The following LRCH2 variants were observed in gnomAD, a reference collection of about 807,000 sequenced individuals.
LRCH2 encodes the protein leucine rich repeats and calponin homology domain containing 2.
LRCH2 carries 38 observed loss-of-function variants against 68.9 expected under a neutral mutation model. The ratio of observed to expected loss-of-function variants is 0.55; its 90% CI spans 0.43 to 0.72. The LOEUF is 0.72. Ranked by LOEUF, LRCH2 falls within the 30% of genes least tolerant of loss-of-function variation. The pLI is 0.00. For synonymous variants in LRCH2, 191 were observed against 208.1 expected (o/e 0.92, Z 0.71); for missense variants, 528 against 572.9 (o/e 0.92, Z 0.80).
In LRCH2 at chrX:115,111,789, C is replaced by T. The variant is rs2072045478; in HGVS notation, c.*1427G>A. 1 of 89,998 alleles carries T rather than the reference C, an allele frequency of 1.1e-5. No homozygotes were observed. Among genetic ancestry groups the T allele is most frequent in the Non-Finnish European group, 2.2e-5 (1 of 46,235 alleles). The allele number at this position is 89,998 out of a possible 1,213,427, so 7.4% of individuals were successfully genotyped here. ...AGTTGTTCCTATACCATTTGGCACA[C>T]TAGTTTTTTACCTTTTATATATACC... is the stretch of plus-strand genomic sequence containing the variant. On this transcript the variant is annotated 3_prime_UTR_variant, in exon 21 of 21. Coordinates refer to ENST00000317135, the MANE Select transcript of LRCH2 (RefSeq NM_020871.4).
chrX:115,188,556 C>T (rs1204074655), intron 1 of LRCH2, among the ~76,000 whole-genome samples, 186 bp from the exon 2 acceptor site: 2 of 112,171 alleles, frequency 1.8e-5, no homozygotes, highest in African/African-American at 3.2e-5. Context: ...TACGGCTGGG[C>T]GCGGTGGCTC....
chrX:115,228,122 A>C (rs935581143), intron 1 of LRCH2, among the ~76,000 whole-genome samples: 2 of 112,315 alleles, frequency 1.8e-5, no homozygotes, highest in Non-Finnish European at 3.8e-5. Context: ...TTACAGTTTG[A>C]CCTTTAGCAG....
intron 12 of LRCH2, 24 bp downstream of exon 12, chrX:115,156,578 G>A: frequency 9.4e-7 from 1 of 1,059,766 alleles, no homozygotes; most frequent in Non-Finnish European, 1.3e-6. Context: ...AATATTAAAT[G>A]TAAAAACTAA....
intron 3 of LRCH2, among the ~76,000 whole-genome samples, chrX:115,181,898 G>C (rs1413068976): frequency 3.6e-5 from 4 of 110,385 alleles, no homozygotes; most frequent in African/African-American, 1.3e-4. Flanking sequence ...AAAATATTCA[G>C]GAAAAAAAAA....
intron 3 of LRCH2, among the ~76,000 whole-genome samples, chrX:115,181,949 T>C (rs1375192924): frequency 8.9e-6 from 1 of 111,758 alleles, no homozygotes; most frequent in African/African-American, 3.3e-5. Flanking sequence ...AACTTTTTTT[T>C]CTTGTCATTA....
chrX:115,193,634 CATT>C (rs1195334529), intron 1 of LRCH2, among the ~76,000 whole-genome samples: 1 of 111,766 alleles, frequency 8.9e-6, no homozygotes, highest in Non-Finnish European at 1.9e-5. Context: ...ATACTTAGGA[CATT>C]ATAGCAGTGG....
chrX:115,118,449 C>T (rs5988225), intron 20 of LRCH2, among the ~76,000 whole-genome samples: 9,685 of 106,857 alleles, frequency 0.091, 434 homozygotes, highest in African/African-American at 0.1. Context: ...ACACATACAC[C>T]CTCCCAAGAC....
At position 115,188,217 on chromosome X, in the gene LRCH2, T is replaced by C; in HGVS notation, c.494+9A>G. 1 of 1,093,386 alleles carries C rather than the reference T, an allele frequency of 9.1e-7. No homozygotes were observed. The highest frequency in any genetic ancestry group is 1.2e-6 in the Non-Finnish European group (1 of 833,852). 90.1% of individuals were successfully genotyped at this position (1,093,386 alleles called of 1,213,427 possible). The stretch of plus-strand genomic sequence containing the variant: ...AAAACCAAAATTTATTTTTAAATTG[T>C]TTCCTTACCTAATGTTAAGGTATGT... On this transcript the variant is annotated intron_variant, in intron 2 of 20. Coordinates refer to ENST00000317135, the MANE Select transcript of LRCH2 (RefSeq NM_020871.4).
intron 14 of LRCH2, among the ~76,000 whole-genome samples, chrX:115,140,715 G>T (rs1556533885): frequency 9.0e-6 from 1 of 111,541 alleles, no homozygotes. Flanking sequence ...AACCTCCCAT[G>T]GGCCAGTGGT....
intron 20 of LRCH2, among the ~76,000 whole-genome samples, chrX:115,118,868 G>A (rs1428417593): frequency 3.6e-5 from 4 of 110,446 alleles, no homozygotes; most frequent in South Asian, 3.8e-4. Context: ...TTCAATATAC[G>A]CAAATCAATA....
At chrX:115,220,879 G>A (rs1243834748) in intron 1 of LRCH2, among the ~76,000 whole-genome samples, 2 of 110,026 alleles carry the variant, frequency 1.8e-5, no homozygotes, top group Non-Finnish European at 3.8e-5. Context: ...CATATCTAGC[G>A]GCATAGTATA....
intron 1 of LRCH2, among the ~76,000 whole-genome samples, chrX:115,196,401 C>T (rs1159121666): frequency 1.8e-5 from 2 of 111,155 alleles, no homozygotes; most frequent in African/African-American, 6.6e-5. Context: ...ACACTGCCTG[C>T]CCCACCCCCA....
At chrX:115,186,072 T>C (rs1163161415) in intron 2 of LRCH2, among the ~76,000 whole-genome samples, 2 of 112,262 alleles carry the variant, frequency 1.8e-5, no homozygotes, top group Non-Finnish European at 3.8e-5. Context: ...TTAAAAAGCA[T>C]ATTCAGGCCG....
At chrX:115,113,893 C>A (rs2072061256) in intron 20 of LRCH2, among the ~76,000 whole-genome samples, 1 of 111,207 alleles carries the variant, frequency 9.0e-6, no homozygotes, top group Non-Finnish European at 1.9e-5. Flanking sequence ...GATCCTCTTC[C>A]AACATTCCAA....
At chrX:115,183,080 A>G (rs949796397) in intron 3 of LRCH2, among the ~76,000 whole-genome samples, 18 of 110,443 alleles carry the variant, frequency 1.6e-4, no homozygotes, top group African/African-American at 5.3e-4. Context: ...GCACACACAC[A>G]CACACACAGA....
chrX:115,135,122 CTTTTTTTT>C (rs35620352), intron 14 of LRCH2, among the ~76,000 whole-genome samples: 1 of 88,242 alleles, frequency 1.1e-5, no homozygotes, highest in African/African-American at 4.4e-5. Context: ...TCTTTTCTTT[CTTTTTTTT>C]TTTTTTTTTT....
intron 1 of LRCH2, among the ~76,000 whole-genome samples, chrX:115,200,684 A>C (rs1463335531): frequency 1.8e-5 from 2 of 110,411 alleles, no homozygotes; most frequent in African/African-American, 6.6e-5. Flanking sequence ...TTGTTGAGGG[A>C]GCTTGGCTGA....
intron 14 of LRCH2, among the ~76,000 whole-genome samples, chrX:115,143,907 C>T (rs1245104184): frequency 9.0e-6 from 1 of 111,693 alleles, no homozygotes; most frequent in African/African-American, 3.3e-5. Flanking sequence ...TGATGCCGGA[C>T]AAGCATTTGC....
chrX:115,213,598 T>C (rs1249123005), intron 1 of LRCH2, among the ~76,000 whole-genome samples: 1 of 112,203 alleles, frequency 8.9e-6, no homozygotes, highest in Non-Finnish European at 1.9e-5. Context: ...TAATACCTGC[T>C]TAGATAGTAA....
Sources: allele counts gnomAD v4.1 joint callset (sites outside exome capture counted in the v4.1 genomes callset), GRCh38; gene constraint gnomAD v4.1.1; transcripts MANE v1.5; gene names NCBI Gene and HGNC (gene_info 2026-07-23, HGNC 2026-07-21).